Variants in QSER1 observed in about 807,000 individuals in gnomAD.
QSER1 encodes glutamine and serine rich 1.
QSER1 carries 49 observed loss-of-function variants against 158.5 expected under a neutral mutation model. The observed-to-expected ratio is 0.31, with a 90% CI of 0.25 to 0.39. The LOEUF (loss-of-function observed/expected upper bound fraction) is 0.39. Ranked by LOEUF, QSER1 falls within the 10% of genes least tolerant of loss-of-function variation. QSER1 has a pLI of 1.00. For synonymous variants in QSER1, 650 were observed against 715.5 expected (o/e 0.91, Z 1.46); for missense variants, 1,754 against 2,010.3 (o/e 0.87, Z 2.44).
intron 1 of QSER1, among the ~76,000 whole-genome samples, chr11:32,909,154 A>T (rs1278709383): frequency 6.6e-6 from 1 of 152,156 alleles, no homozygotes; most frequent in African/African-American, 2.4e-5. Flanking sequence ...GCAAGACTCC[A>T]TCTCAAAAAA....
rs906135497 is a variant in QSER1, at chr11:32,976,680, T to G, written c.*206T>G. ...GGAAATGGACCTAAATCCCACCACA[T>G]TTTTACCCTAATGAATGATTTTTCT... On this transcript the variant is annotated 3_prime_UTR_variant, in exon 13 of 13. Coordinates refer to ENST00000650167, the MANE Select transcript of QSER1 (RefSeq NM_001076786.3). The G allele has an allele frequency of 1.4e-5, 7 of 493,722 alleles. No individual in the cohort carries two copies. Among genetic ancestry groups the G allele is most frequent in the Non-Finnish European group, 2.5e-5 (7 of 279,878 alleles). The allele number at this position is 493,722 out of a possible 1,614,324, so 30.6% of individuals were successfully genotyped here.
Position 32,955,282 on chromosome 11 carries a change from T to G in QSER1, c.4501-14T>G. ...GCTGTGTTTTGTAAGTATCATTAAT[T>G]CTGGTTATTACAGGAGGCTTTAAAA... On this transcript the variant is annotated splice_polypyrimidine_tract_variant and intron_variant, in intron 5 of 12. Transcript: ENST00000650167. 1 of 1,349,762 alleles carries G rather than the reference T, an allele frequency of 7.4e-7. No homozygotes were observed. The allele number at this position is 1,349,762 out of a possible 1,614,324, so 83.6% of individuals were successfully genotyped here. A position where few individuals can be genotyped will look rare whatever the true frequency, so the allele number is the denominator to read the frequency against.
intron 6 of QSER1, among the ~76,000 whole-genome samples, chr11:32,955,622 ATTGT>A (rs1332328391): frequency 2.6e-5 from 4 of 152,036 alleles, no homozygotes; most frequent in African/African-American, 7.2e-5. Flanking sequence ...ACCTTGTACT[ATTGT>A]TTAACTTTTT....
intron 1 of QSER1, among the ~76,000 whole-genome samples, chr11:32,898,489 C>T (rs1439601739): frequency 6.1e-5 from 2 of 32,772 alleles, no homozygotes; most frequent in Non-Finnish European, 1.2e-4. Flanking sequence ...CTGTCACACA[C>T]ACACACACAC....
chr11:32,915,315 C>T (rs1435548404), intron 1 of QSER1, among the ~76,000 whole-genome samples: 1 of 152,190 alleles, frequency 6.6e-6, no homozygotes, highest in African/African-American at 2.4e-5. Flanking sequence ...TCCTCAATTT[C>T]ATACCTTACT....
intron 1 of QSER1, among the ~76,000 whole-genome samples, chr11:32,898,517 C>G (rs1851584981): frequency 6.7e-6 from 1 of 148,628 alleles, no homozygotes; most frequent in Non-Finnish European, 1.5e-5. Context: ...CACACACACA[C>G]ACACACACAC....
chr11:32,911,334 T>C (rs560261405), intron 1 of QSER1, among the ~76,000 whole-genome samples: 1 of 152,192 alleles, frequency 6.6e-6, no homozygotes, highest in African/African-American at 2.4e-5. Context: ...GGTCAGTAGG[T>C]GCAGCAAACC....
chr11:32,933,432 C>G lies in QSER1; in HGVS notation c.2174C>G (p.Thr725Ser). ...GGAGAAATTAATGCTCAAGAATCAA[C>G]TTATAAGGTGTCAAAGGCAGATGAC... ...SDGEINAQES[T>S]YKVSKADDRY... Residue 725 changes from threonine (T) to serine (S), a missense_variant, in exon 4 of 13, where the codon ACT becomes AGT. Around this residue, in one of 2 missense-constraint regions of QSER1, gnomAD observed 1,707 missense variants for 1,919.6 expected, o/e 0.89. Coordinates refer to ENST00000650167, the MANE Select transcript of QSER1 (RefSeq NM_001076786.3). 1 of 1,613,748 alleles carries G rather than the reference C, an allele frequency of 6.2e-7. No homozygotes were observed. Among genetic ancestry groups the G allele is most frequent in the Non-Finnish European group, 8.5e-7 (1 of 1,179,872 alleles).
At chr11:32,975,218 A>C in intron 11 of QSER1, 30 bp from the exon 12 acceptor site, 1 of 1,456,140 alleles carries the variant, frequency 6.9e-7, no homozygotes, top group Non-Finnish European at 9.2e-7. Context: ...ACTCCATGAA[A>C]TGTATCTATA....
chr11:32,965,944 AAC>A (rs5790910), intron 8 of QSER1, among the ~76,000 whole-genome samples: 1,801 of 123,588 alleles, frequency 0.015, 42 homozygotes, highest in African/African-American at 0.047. Flanking sequence ...TCTGTCTCAA[AAC>A]ACACACACAC....
At chr11:32,939,290 C>A (rs1852196245) in intron 4 of QSER1, among the ~76,000 whole-genome samples, 1 of 152,144 alleles carries the variant, frequency 6.6e-6, no homozygotes, top group Non-Finnish European at 1.5e-5. Context: ...TGTTTCCCTT[C>A]AGTTTTGTTT....
chr11:32,958,114 G>T (rs747361343), intron 8 of QSER1, 28 bp downstream of exon 8: 8 of 1,533,110 alleles, frequency 5.2e-6, no homozygotes, highest in Non-Finnish European at 6.3e-6. Context: ...TGGCTACCCT[G>T]ATAACTTTAG....
At chr11:32,946,890 G>A (rs1852342392) in intron 4 of QSER1, among the ~76,000 whole-genome samples, 2 of 152,300 alleles carry the variant, frequency 1.3e-5, no homozygotes, top group African/African-American at 4.8e-5. Flanking sequence ...AGACTCCGTG[G>A]GGTAGGACCC....
chr11:32,976,323 T>C lies in QSER1; in HGVS notation c.5455-11T>C. Reference sequence around the variant, plus strand: ...TAAGTATAAGCTAATTTGGCGATTTTCTTTTTTTAGATTTCTTCGGTGCAG... The same window carrying C: ...TAAGTATAAGCTAATTTGGCGATTTCCTTTTTTTAGATTTCTTCGGTGCAG... On this transcript the variant is annotated splice_polypyrimidine_tract_variant and intron_variant, in intron 12 of 12. Transcript: ENST00000650167. 6.3e-7 allele frequency: 1 copy of C among 1,576,834 alleles called. No individual in the cohort carries two copies. Among genetic ancestry groups the C allele is most frequent in the East Asian group, 2.3e-5 (1 of 44,196 alleles).
At position 32,955,368 on chromosome 11, in the gene QSER1, C is replaced by T. The variant is rs974652420; in HGVS notation, c.4573C>T (p.Pro1525Ser). 57 of 1,599,382 alleles carry T rather than the reference C, an allele frequency of 3.6e-5. No homozygotes were observed. In the Admixed American group the frequency reaches 9.9e-4, roughly 28 times the overall value. ...VQKALLQKFV[P>S]EIRDGQREFA... Reference sequence around the variant, plus strand: ...AAAAGCTTTATTACAGAAATTTGTTCCTGAAATTCGAGATGGTCAAAGAGA... The same window carrying T: ...AAAAGCTTTATTACAGAAATTTGTTTCTGAAATTCGAGATGGTCAAAGAGA... The change falls in exon 6 of 13, where the codon CCT (proline) becomes TCT (serine). Residue 1525 changes from proline to serine, a missense_variant. Pro to Ser is a moderately conservative substitution (Grantham distance 74, BLOSUM62 -1). Transcript: ENST00000650167.
chr11:32,904,189 CTTTT>C (rs370789790), intron 1 of QSER1, among the ~76,000 whole-genome samples: 2 of 137,212 alleles, frequency 1.5e-5, no homozygotes, highest in Non-Finnish European at 1.6e-5. Flanking sequence ...ATTTCTTTTT[CTTTT>C]TTTTTTTTTT....
intron 10 of QSER1, 101 bp downstream of exon 10, chr11:32,969,244 T>C: frequency 1.3e-6 from 1 of 753,048 alleles, no homozygotes; most frequent in South Asian, 1.7e-5. Context: ...ACAACATTTT[T>C]CACCTAATGA....
In QSER1 at chr11:32,956,075, A is replaced by G; in HGVS notation, c.4705A>G (p.Arg1569Gly). Residue 1569 changes from arginine (R) to glycine (G), a missense_variant, in exon 7 of 13, where the codon AGA becomes GGA. Arg to Gly is a moderately radical substitution (Grantham distance 125). Transcript: ENST00000650167. ...IENANKKEYV[R>G]VCSKKPRNKP... Reference sequence around the variant, plus strand: ...AAATGCAAACAAGAAGGAATATGTCAGAGTGTGTTCTAAAAAGCCAAGAAA... The same window carrying G: ...AAATGCAAACAAGAAGGAATATGTCGGAGTGTGTTCTAAAAAGCCAAGAAA... 1 of 1,612,024 alleles carries G rather than the reference A, an allele frequency of 6.2e-7. No homozygotes were observed. The highest frequency in any genetic ancestry group is 8.5e-7 in the Non-Finnish European group (1 of 1,178,640).
At chr11:32,898,105 C>G (rs1340374066) in intron 1 of QSER1, among the ~76,000 whole-genome samples, 1 of 152,184 alleles carries the variant, frequency 6.6e-6, no homozygotes, top group African/African-American at 2.4e-5. Flanking sequence ...TTTTTAAAAA[C>G]ACAGATCTAC....
Sources: allele counts gnomAD v4.1 joint callset (sites outside exome capture counted in the v4.1 genomes callset), GRCh38; gene constraint gnomAD v4.1.1; regional missense constraint gnomAD v4.1.1; transcripts MANE v1.5; gene names NCBI Gene and HGNC (gene_info 2026-07-23, HGNC 2026-07-21).